The following PTK2B variants were observed in gnomAD, a reference collection of about 807,000 sequenced individuals.
The protein encoded by PTK2B is protein tyrosine kinase 2 beta, also known as protein-tyrosine kinase 2-beta.
PTK2B carries 71 observed loss-of-function variants against 142.9 expected under a neutral mutation model. The observed-to-expected ratio is 0.50, with a 90% confidence interval of 0.41 to 0.61. The LOEUF (loss-of-function observed/expected upper bound fraction) is 0.61. PTK2B is among the 20% of genes least tolerant of loss of function. PTK2B has a pLI of 0.00. For missense variants in PTK2B, 1,105 were observed against 1,320.4 expected, an observed-to-expected ratio of 0.84 and a Z score of 2.53; for synonymous variants, 519 against 503.4, an observed-to-expected ratio of 1.03 and a Z score of -0.42.
chr8:27,449,392 A>G (rs750436606), intron 24 of PTK2B, among the ~76,000 whole-genome samples: 9 of 152,270 alleles, frequency 5.9e-5, no homozygotes, highest in Non-Finnish European at 1.3e-4. Context: ...ACATCCCAAT[A>G]TAACCACTTT....
chr8:27,421,306 T>G (rs1482913043), intron 4 of PTK2B, among the ~76,000 whole-genome samples: 1 of 85,228 alleles, frequency 1.2e-5, no homozygotes, highest in East Asian at 2.9e-4. Context: ...ATTTATTTAT[T>G]TATTTATTTA....
chr8:27,356,122 C>T (rs7016131), intron 1 of PTK2B, among the ~76,000 whole-genome samples: 124,897 of 152,130 alleles, frequency 0.82, 51,970 homozygotes, highest in African/African-American at 0.88. Context: ...ATTATAATTA[C>T]AACACTGTTC....
At chr8:27,443,420 G>A (rs1199804363) in intron 22 of PTK2B, among the ~76,000 whole-genome samples, 4 of 152,206 alleles carry the variant, frequency 2.6e-5, no homozygotes, top group African/African-American at 9.6e-5. Flanking sequence ...TTAGTCAACT[G>A]GAGCTGCTGC....
intron 1 of PTK2B, among the ~76,000 whole-genome samples, chr8:27,366,019 G>A (rs547166073): frequency 1.3e-5 from 2 of 152,340 alleles, no homozygotes; most frequent in South Asian, 4.1e-4. Context: ...GCTTCTGGCA[G>A]CCAGCCCTGG....
At chr8:27,310,853 CG>C, upstream of PTK2B, 3 of 1,609,524 alleles carry the variant, frequency 1.9e-6, no homozygotes, top group Non-Finnish European at 2.5e-6. Context: ...CCCCTGGTGT[CG>C]GGGGTCGGCC....
chr8:27,316,405 C>T (rs1803096148), intron 3 of PTK2B, among the ~76,000 whole-genome samples: 1 of 151,506 alleles, frequency 6.6e-6, no homozygotes, highest in Non-Finnish European at 1.5e-5. Context: ...CTATAAGGAA[C>T]TTAACTTTAA....
chr8:27,346,495 G>A (rs139006435), intron 1 of PTK2B, among the ~76,000 whole-genome samples: 256 of 152,300 alleles, frequency 1.7e-3, no homozygotes, highest in African/African-American at 5.8e-3. Flanking sequence ...ACAGTGAGCC[G>A]TGATTGTGCA....
At chr8:27,429,008 C>A (rs1810248688) in intron 5 of PTK2B, among the ~76,000 whole-genome samples, 1 of 152,178 alleles carries the variant, frequency 6.6e-6, no homozygotes, top group African/African-American at 2.4e-5. Flanking sequence ...CAACCTCCGC[C>A]TCCTGGGTTC....
In PTK2B at chr8:27,451,112, CA is replaced by C. The variant is rs757366448; in HGVS notation, c.2523+36del. On this transcript the variant is annotated intron_variant, in intron 26 of 30. Coordinates refer to ENST00000346049, the MANE Select transcript of PTK2B (RefSeq NM_173176.3). ...CCAGGAGAGGCCGCCTCCTCCATGC[CA>C]AGGCCTGGGAAGGCCTCGCCCACCA... 31 of 1,603,384 alleles carry C rather than the reference CA, an allele frequency of 1.9e-5. 1 individual carries two copies. The highest frequency in any genetic ancestry group is 2.6e-5 in the Non-Finnish European group (31 of 1,170,496).
intron 1 of PTK2B, among the ~76,000 whole-genome samples, chr8:27,372,899 C>A (rs1806444853): frequency 6.6e-6 from 1 of 152,116 alleles, no homozygotes; most frequent in South Asian, 2.1e-4. Context: ...TTAGAGAGTT[C>A]ATATACAAAG....
chr8:27,366,133 TG>T, intron 1 of PTK2B, among the ~76,000 whole-genome samples: 1 of 152,342 alleles, frequency 6.6e-6, no homozygotes, highest in East Asian at 1.9e-4. Flanking sequence ...CAGGAAGTTC[TG>T]AAACCCAAAG....
intron 1 of PTK2B, among the ~76,000 whole-genome samples, chr8:27,368,950 C>G (rs1449122353): frequency 6.6e-6 from 1 of 152,190 alleles, no homozygotes; most frequent in African/African-American, 2.4e-5. Context: ...AGTGTCTCCC[C>G]TCTCAGGACC....
chr8:27,446,646 C>G (rs1358070494), intron 24 of PTK2B, among the ~76,000 whole-genome samples: 3 of 152,306 alleles, frequency 2.0e-5, no homozygotes, highest in South Asian at 2.1e-4. Flanking sequence ...AACACTTGAT[C>G]TATTTTACTA....
At chr8:27,411,460 G>A (rs1332103404) in intron 2 of PTK2B, among the ~76,000 whole-genome samples, 3 of 152,166 alleles carry the variant, frequency 2.0e-5, no homozygotes, top group Non-Finnish European at 2.9e-5. Flanking sequence ...GTGTGTGCAC[G>A]AGAGCCCCTA....
Position 27,397,631 on chromosome 8 carries a change from T to C in PTK2B, c.47T>C (p.Leu16Ser), listed in dbSNP as rs781686212. The C allele has an allele frequency of 1.9e-6, 3 of 1,614,204 alleles. No homozygotes were observed. Among genetic ancestry groups the C allele is most frequent in the Non-Finnish European group, 2.5e-6 (3 of 1,180,036 alleles). ...EPLSRVKLGTLRRPEGPAEPM... is the reference protein window; with the variant it reads ...EPLSRVKLGTSRRPEGPAEPM... ...CTGAGTCGAGTAAAGTTGGGCACGT[T>C]ACGCCGGCCTGAAGGCCCTGCAGAG... The change falls in exon 2 of 31, where the codon TTA becomes TCA. Residue 16 changes from leucine (L) to serine (S), a missense_variant. By Grantham distance (145) the Leu-to-Ser change is moderately radical. Transcript: ENST00000346049.
At chr8:27,434,676 C>A in intron 13 of PTK2B, 117 bp downstream of exon 13, 1 of 1,167,710 alleles carries the variant, frequency 8.6e-7, no homozygotes, top group Non-Finnish European at 1.2e-6. Context: ...AAATGATCCT[C>A]TCCCATAACT....
intron 1 of PTK2B, among the ~76,000 whole-genome samples, chr8:27,387,081 A>T (rs1807409913): frequency 6.6e-6 from 1 of 152,008 alleles, no homozygotes; most frequent in South Asian, 2.1e-4. Flanking sequence ...TCTGGGCTGT[A>T]CTCTTTGGCA....
chr8:27,317,434 A>T (rs140418967), intron 3 of PTK2B, among the ~76,000 whole-genome samples: 244 of 152,044 alleles, frequency 1.6e-3, no homozygotes, highest in African/African-American at 5.7e-3. Flanking sequence ...TGAACACAGG[A>T]TGTCTTTTCC....
At position 27,432,401 on chromosome 8, in the gene PTK2B, G is replaced by C; in HGVS notation, c.987+40G>C. On this transcript the variant is annotated intron_variant, in intron 10 of 30. Coordinates refer to ENST00000346049, the MANE Select transcript of PTK2B (RefSeq NM_173176.3). ...GCACTGGGCACCTGGCAGCTCTGCA[G>C]GGGGTATAATGGCAGATTGGGAGCT... 9 of 1,588,078 alleles carry C rather than the reference G, an allele frequency of 5.7e-6. No homozygotes were observed. In the South Asian group the frequency reaches 1.0e-4, roughly 18 times the overall value.
Sources: allele counts gnomAD v4.1 joint callset (sites outside exome capture counted in the v4.1 genomes callset), GRCh38; gene constraint gnomAD v4.1.1; transcripts MANE v1.5; gene names NCBI Gene and HGNC (gene_info 2026-07-23, HGNC 2026-07-21).